The following TASP1 variants were observed in gnomAD, a reference collection of about 807,000 sequenced individuals.
TASP1 encodes taspase 1, also known as threonine aspartase 1.
In TASP1, 16 loss-of-function variants were observed where a neutral mutation model predicts 56.6. That is an observed-to-expected ratio of 0.28 (90% CI 0.19 to 0.43). TASP1 has a LOEUF of 0.43. Ranked by LOEUF, TASP1 falls within the 20% of genes least tolerant of loss-of-function variation. The probability of loss-of-function intolerance (pLI) is 1.00; values close to 1 mark genes in which losing one functional copy is unlikely to be tolerated. For missense variants in TASP1, 393 were observed against 511.6 expected, an observed-to-expected ratio of 0.77 and a Z score of 2.24; for synonymous variants, 179 against 184.2, an observed-to-expected ratio of 0.97 and a Z score of 0.23.
At chr20:13,444,499 G>A (rs1030956844) in intron 11 of TASP1, among the ~76,000 whole-genome samples, 2 of 152,096 alleles carry the variant, frequency 1.3e-5, no homozygotes, top group Non-Finnish European at 2.9e-5. Flanking sequence ...CTGGGGAAAC[G>A]ATGAATATTC....
chr20:13,605,427 AATCACTTTTGGAGGCTGAGACAGGAGG>A lies in TASP1; in HGVS notation c.282+17992_282+18018del, dbSNP rs2048113037. 3.9e-5 allele frequency among the ~76,000 whole-genome samples: 6 copies of A among 152,300 alleles called. No homozygotes were observed. In the South Asian group the frequency reaches 1.2e-3, roughly 32 times the overall value. ...CTAACTTGCCCCTTATAAATAATAA[AATCACTTTTGGAGGCTGAGACAGGAGG>A]ATCACTCAAGGTCGGCGGTTTGAGA... On this transcript the variant is annotated intron_variant, in intron 4 of 13. Transcript: ENST00000337743.
the TASP1 span, among the ~76,000 whole-genome samples, chr20:13,198,855 TTTCCTTCC>T: frequency 2.7e-5 from 2 of 74,606 alleles, no homozygotes; most frequent in African/African-American, 9.8e-5. Flanking sequence ...TCTTTCTTTC[TTTCCTTCC>T]TTCCTTCCTT....
At chr20:13,223,156 C>CAAAAA in the TASP1 span, among the ~76,000 whole-genome samples, 4 of 120,162 alleles carry the variant, frequency 3.3e-5, no homozygotes, top group East Asian at 2.5e-4. Flanking sequence ...GACTCCGTCT[C>CAAAAA]AAAAAAAAAA....
At chr20:13,425,066 T>C (rs1330497515) in intron 12 of TASP1, among the ~76,000 whole-genome samples, 1 of 152,208 alleles carries the variant, frequency 6.6e-6, no homozygotes, top group East Asian at 1.9e-4. Flanking sequence ...TCAGGATGTA[T>C]TTGTACTTAA....
the TASP1 span, among the ~76,000 whole-genome samples, chr20:13,363,136 A>G: frequency 6.6e-6 from 1 of 152,156 alleles, no homozygotes; most frequent in Non-Finnish European, 1.5e-5. Flanking sequence ...TGATAGAAGC[A>G]TCTTTTGTTC....
the TASP1 span, among the ~76,000 whole-genome samples, chr20:13,326,926 C>T: frequency 5.5e-3 from 836 of 152,258 alleles, 10 homozygotes; most frequent in African/African-American, 0.018. Context: ...CCTCTCTCAC[C>T]GCTCCTATTT....
the TASP1 span, among the ~76,000 whole-genome samples, chr20:13,162,227 A>G: frequency 6.6e-6 from 1 of 152,232 alleles, no homozygotes; most frequent in East Asian, 1.9e-4. Flanking sequence ...GGGACCTTGC[A>G]CAGAAGGGAG....
the TASP1 span, among the ~76,000 whole-genome samples, chr20:13,134,125 A>G: frequency 6.6e-6 from 1 of 152,206 alleles, no homozygotes; most frequent in African/African-American, 2.4e-5. Context: ...AGGTGCAGCT[A>G]CCATATAACA....
At chr20:13,498,259 T>G (rs560764966) in intron 10 of TASP1, among the ~76,000 whole-genome samples, 1 of 151,778 alleles carries the variant, frequency 6.6e-6, no homozygotes, top group East Asian at 1.9e-4. Context: ...GGAACTTAAC[T>G]CAATAAACTA....
chr20:13,125,779 G>T, the TASP1 span, among the ~76,000 whole-genome samples: 1 of 152,138 alleles, frequency 6.6e-6, no homozygotes, highest in African/African-American at 2.4e-5. Flanking sequence ...GCATTTTGAG[G>T]CATAGACCCA....
chr20:13,417,412 A>G, intron 13 of TASP1, 36 bp downstream of exon 13: 4 of 1,611,878 alleles, frequency 2.5e-6, no homozygotes, highest in Non-Finnish European at 3.4e-6. Context: ...CGATGGCTAC[A>G]AGGTTTTCAG....
intron 11 of TASP1, among the ~76,000 whole-genome samples, chr20:13,460,314 G>T (rs959084591): frequency 6.6e-6 from 1 of 152,166 alleles, no homozygotes; most frequent in African/African-American, 2.4e-5. Context: ...TTCTCCAGAA[G>T]CACCAGCCAC....
intron 8 of TASP1, among the ~76,000 whole-genome samples, chr20:13,553,921 T>C (rs1392720511): frequency 1.3e-5 from 2 of 152,206 alleles, no homozygotes; most frequent in Admixed American, 6.5e-5. Context: ...ACTCACCCAA[T>C]TTCCTAGGCT....
At chr20:13,212,909 G>A in the TASP1 span, among the ~76,000 whole-genome samples, 2 of 152,124 alleles carry the variant, frequency 1.3e-5, no homozygotes, top group Admixed American at 6.6e-5. Context: ...CACAAATGAG[G>A]CACTACACCC....
At chr20:13,509,812 G>C (rs1011151882) in intron 10 of TASP1, among the ~76,000 whole-genome samples, 1 of 152,222 alleles carries the variant, frequency 6.6e-6, no homozygotes, top group African/African-American at 2.4e-5. Context: ...TTTTTTAGTA[G>C]AGACAGGGTT....
chr20:13,338,597 CA>C, the TASP1 span, among the ~76,000 whole-genome samples: 1 of 152,160 alleles, frequency 6.6e-6, no homozygotes, highest in Non-Finnish European at 1.5e-5. Context: ...TTCTGAGCTC[CA>C]AAATACAGTA....
intron 11 of TASP1, among the ~76,000 whole-genome samples, chr20:13,440,568 TA>T (rs2043178505): frequency 6.6e-6 from 1 of 151,274 alleles, no homozygotes; most frequent in Admixed American, 6.6e-5. Context: ...GAGTGACTAT[TA>T]CCAAAAAAAT....
chr20:13,448,316 C>A (rs2043486889), intron 11 of TASP1, among the ~76,000 whole-genome samples: 1 of 152,052 alleles, frequency 6.6e-6, no homozygotes, highest in African/African-American at 2.4e-5. Context: ...CTAGATTATC[C>A]TGTTCCATTG....
chr20:13,339,049 C>T, the TASP1 span, among the ~76,000 whole-genome samples: 1 of 152,132 alleles, frequency 6.6e-6, no homozygotes, highest in Non-Finnish European at 1.5e-5. Flanking sequence ...GAGCGATTTG[C>T]CCACCAAATC....
Sources: allele counts gnomAD v4.1 joint callset (sites outside exome capture counted in the v4.1 genomes callset), GRCh38; gene constraint gnomAD v4.1.1; transcripts MANE v1.5; gene names NCBI Gene and HGNC (gene_info 2026-07-23, HGNC 2026-07-21).